Variants in ARSD observed in about 807,000 individuals in gnomAD.
ARSD encodes the protein testis tissue sperm-binding protein Li 39a.
Under a neutral mutation model 32.6 loss-of-function variants are expected in ARSD, and 21 were observed. That is an observed-to-expected ratio of 0.64 (90% confidence interval 0.46 to 0.93). The LOEUF is 0.93. Ranked by LOEUF, ARSD falls within the 40% of genes least tolerant of loss-of-function variation. The pLI is 0.00. For synonymous variants in ARSD, 224 were observed against 237.4 expected, an observed-to-expected ratio of 0.94 and a Z score of 0.52; for missense variants, 454 against 520.9, an observed-to-expected ratio of 0.87 and a Z score of 1.25.
intron 4 of ARSD, among the ~76,000 whole-genome samples, chrX:2,918,476 C>T (rs1026751972): frequency 1.1e-4 from 12 of 112,426 alleles, no homozygotes; most frequent in Non-Finnish European, 2.1e-4. Flanking sequence ...TTCGGCCGGG[C>T]GCGGTGGCTC....
At chrX:2,925,065 C>T (rs747729275) in intron 2 of ARSD, among the ~76,000 whole-genome samples, 7 of 112,821 alleles carry the variant, frequency 6.2e-5, no homozygotes, top group African/African-American at 2.2e-4. Flanking sequence ...GCGGTTAGGG[C>T]TTCAACCTAC....
chrX:2,915,611 C>T lies in ARSD; in HGVS notation c.945G>A (p.Gly315=). The T allele has an allele frequency of 5.8e-6, 7 of 1,211,375 alleles. No homozygotes were observed. The highest frequency in any genetic ancestry group is 7.8e-6 in the Non-Finnish European group (7 of 895,125). ...IPLVTTSAFL[G]KSQHGLYGDN... is the part of the protein sequence containing the mutation. ...CACCATATAAGCCATGCTGACTTTT[C>T]CCCAGGAATGCACTCGTGGTCACAA... Residue 315 remains glycine (G), a synonymous_variant, in exon 6 of 10, where the codon GGG becomes GGA. Coordinates refer to ENST00000381154, the MANE Select transcript of ARSD (RefSeq NM_001669.4).
chrX:2,923,185 A>G, intron 2 of ARSD: 1 of 243,160 alleles, frequency 4.1e-6, no homozygotes, highest in Non-Finnish European at 7.9e-6. Context: ...CTTCAACACC[A>G]GATATTGGTT....
At chrX:2,918,321 G>GA in intron 4 of ARSD, 94 bp from the exon 5 acceptor site, 1 of 918,335 alleles carries the variant, frequency 1.1e-6, no homozygotes, top group East Asian at 3.4e-5. Context: ...GGCAGGAAAA[G>GA]AAAAGTCTGC....
At position 2,904,890 on chromosome X, in the gene ARSD, T is replaced by G. The variant is rs2088840903; in HGVS notation, c.*2381A>C. 4.0e-6 allele frequency: 1 copy of G among 250,603 alleles called. No individual in the cohort carries two copies. Among genetic ancestry groups the G allele is most frequent in the African/African-American group, 3.1e-5 (1 of 32,028 alleles). The allele number at this position is 250,603 out of a possible 1,213,427, so 20.7% of individuals were successfully genotyped here. A position where few individuals can be genotyped will look rare whatever the true frequency, so the allele number is the denominator to read the frequency against. On this transcript the variant is annotated 3_prime_UTR_variant, in exon 10 of 10. Coordinates refer to ENST00000381154, the MANE Select transcript of ARSD (RefSeq NM_001669.4). The stretch of plus-strand genomic sequence containing the variant: ...TGCCTCCACTCCCCGTGTCCCATGC[T>G]CCATAGATGTTTCTTTTTTTTTTTT...
chrX:2,913,977 C>T (rs957839354), intron 6 of ARSD: 4 of 325,270 alleles, frequency 1.2e-5, no homozygotes, highest in Non-Finnish European at 1.6e-5. Context: ...GCCTGCTCCC[C>T]CTTCGCCTTC....
chrX:2,913,230 G>A (rs1209021285), intron 6 of ARSD, among the ~76,000 whole-genome samples: 2 of 112,361 alleles, frequency 1.8e-5, no homozygotes, highest in African/African-American at 6.5e-5. Flanking sequence ...GGAATGTCTG[G>A]GTTATGATAA....
At chrX:2,914,391 G>C (rs1406857937) in intron 6 of ARSD, 1 of 462,832 alleles carries the variant, frequency 2.2e-6, no homozygotes, top group Non-Finnish European at 2.8e-6. Flanking sequence ...CACCACCATG[G>C]CTAATTTTTT....
intron 5 of ARSD, among the ~76,000 whole-genome samples, chrX:2,916,375 G>A (rs113434011): frequency 0.04 from 4,345 of 109,390 alleles, 226 homozygotes; most frequent in African/African-American, 0.14. Flanking sequence ...GCAGGTGCCT[G>A]TAATCTCGGC....
At chrX:2,912,904 C>G (rs766398220) in intron 6 of ARSD, among the ~76,000 whole-genome samples, 1 of 112,406 alleles carries the variant, frequency 8.9e-6, no homozygotes, top group East Asian at 2.8e-4. Flanking sequence ...ATGATATAAA[C>G]CACAAGGTCA....
intron 5 of ARSD, 87 bp from the exon 6 acceptor site, chrX:2,915,779 T>C: frequency 1.1e-6 from 1 of 930,484 alleles, no homozygotes; most frequent in South Asian, 2.4e-5. Flanking sequence ...TCCAGCACTA[T>C]TCACAAGAGC....
At chrX:2,915,298 G>A (rs1292658915) in intron 6 of ARSD, among the ~76,000 whole-genome samples, 1 of 111,435 alleles carries the variant, frequency 9.0e-6, no homozygotes, top group Admixed American at 9.5e-5. Flanking sequence ...GGGACTACAG[G>A]TGTGCACCAC....
At chrX:2,912,019 A>G (rs931488255) in intron 6 of ARSD, among the ~76,000 whole-genome samples, 1 of 112,126 alleles carries the variant, frequency 8.9e-6, no homozygotes, top group East Asian at 2.8e-4. Context: ...GCTTGTATGT[A>G]GTCCTAGCTA....
chrX:2,917,044 G>T (rs1452316283), intron 5 of ARSD, among the ~76,000 whole-genome samples: 3 of 97,493 alleles, frequency 3.1e-5, no homozygotes, highest in African/African-American at 1.2e-4. Context: ...ACCAGCTTGG[G>T]CCATATAGTG....
intron 2 of ARSD, among the ~76,000 whole-genome samples, chrX:2,925,180 G>A (rs1007326580): frequency 1.1e-4 from 12 of 111,849 alleles, no homozygotes; most frequent in Non-Finnish European, 1.9e-4. Context: ...GCAATGGCCG[G>A]TGTCCTTATA....
chrX:2,927,107 G>T (rs1262787653), intron 1 of ARSD, among the ~76,000 whole-genome samples: 1 of 110,668 alleles, frequency 9.0e-6, no homozygotes, highest in Non-Finnish European at 1.9e-5. Context: ...GGGACAGGAC[G>T]GGGCGTGTCT....
At chrX:2,911,544 A>C (rs1222175002) in intron 6 of ARSD, among the ~76,000 whole-genome samples, 2 of 93,560 alleles carry the variant, frequency 2.1e-5, no homozygotes, top group African/African-American at 4.1e-5. Flanking sequence ...GTGGCGGGAG[A>C]CTGTAGTCCC....
chrX:2,918,663 C>G (rs2088999045), intron 4 of ARSD, among the ~76,000 whole-genome samples: 1 of 111,280 alleles, frequency 9.0e-6, no homozygotes, highest in Non-Finnish European at 1.9e-5. Flanking sequence ...TGGCGTGAAC[C>G]TGGGAGGCGG....
At chrX:2,912,843 A>G (rs2088913841) in intron 6 of ARSD, among the ~76,000 whole-genome samples, 1 of 112,295 alleles carries the variant, frequency 8.9e-6, no homozygotes, top group African/African-American at 3.2e-5. Flanking sequence ...CAAACCAAGC[A>G]GTTGCTTTAT....
Sources: allele counts gnomAD v4.1 joint callset (sites outside exome capture counted in the v4.1 genomes callset), GRCh38; gene constraint gnomAD v4.1.1; transcripts MANE v1.5; gene names NCBI Gene and HGNC (gene_info 2026-07-23, HGNC 2026-07-21).